PLEKHA5: variants seen among roughly 807,000 people sequenced by gnomAD.
The protein encoded by PLEKHA5 is pleckstrin homology domain containing A5, also known as pleckstrin homology domain-containing family A member 5.
In PLEKHA5, 55 loss-of-function variants were observed where a neutral mutation model predicts 181.9. The ratio of observed to expected loss-of-function variants is 0.30; its 90% CI spans 0.24 to 0.38. The LOEUF (loss-of-function observed/expected upper bound fraction) is 0.38, where lower values mean the gene tolerates loss of function less well. PLEKHA5 is among the 10% of genes least tolerant of loss of function. The probability of loss-of-function intolerance (pLI) is 1.00; values close to 1 mark genes in which losing one functional copy is unlikely to be tolerated. For missense variants in PLEKHA5, 1,432 were observed against 1,549.5 expected (o/e 0.92, Z 1.27); for synonymous variants, 535 against 529.4 (o/e 1.01, Z -0.15).
chr12:19,253,898 T>C, intron 3 of PLEKHA5, 42 bp from the exon 4 acceptor site: 1 of 1,089,128 alleles, frequency 9.2e-7, no homozygotes, highest in Non-Finnish European at 1.4e-6. Flanking sequence ...ATGGGAATTT[T>C]AAATACCTGC....
chr12:19,269,463 A>G (rs1241377990), intron 8 of PLEKHA5, among the ~76,000 whole-genome samples: 2 of 150,632 alleles, frequency 1.3e-5, no homozygotes, highest in East Asian at 2.0e-4. Context: ...TGGAAGAGGC[A>G]CCACTAAGTA....
At chr12:19,335,156 C>T (rs957181167) in intron 20 of PLEKHA5, among the ~76,000 whole-genome samples, 20 of 149,326 alleles carry the variant, frequency 1.3e-4, no homozygotes, top group Admixed American at 1.2e-3. Flanking sequence ...AGCCCTGCCC[C>T]GAGTAGCTGG....
In PLEKHA5 at chr12:19,130,300, C is replaced by T. The variant is rs2033157853; in HGVS notation, c.169+170C>T. On this transcript the variant is annotated intron_variant, in intron 2 of 31. Transcript: ENST00000429027. The surrounding 1 kb of genome is among the most constrained non-coding windows in gnomAD (Gnocchi z 4.5). ...AGAGGGGCCACGGGGACTCCGCCGCCGGGAGTTCTCTCCAGTCTCGGGGCG... is the reference window on the plus strand; with the variant it reads ...AGAGGGGCCACGGGGACTCCGCCGCTGGGAGTTCTCTCCAGTCTCGGGGCG... 6.6e-6 allele frequency among the ~76,000 whole-genome samples: 1 copy of T among 151,910 alleles called. No individual in the cohort carries two copies.
At chr12:19,272,374 C>T (rs901891718) in intron 10 of PLEKHA5, among the ~76,000 whole-genome samples, 3 of 152,080 alleles carry the variant, frequency 2.0e-5, no homozygotes, top group Non-Finnish European at 2.9e-5. Flanking sequence ...TCATATGTGT[C>T]TTTTTGACTA....
At chr12:19,167,059 G>A (rs930251059) in intron 3 of PLEKHA5, among the ~76,000 whole-genome samples, 2 of 152,030 alleles carry the variant, frequency 1.3e-5, no homozygotes, top group Admixed American at 6.6e-5. Context: ...ACACACCCAT[G>A]CCCCACCTTC....
At chr12:19,328,283 G>C (rs1425491539) in intron 20 of PLEKHA5, among the ~76,000 whole-genome samples, 2 of 152,026 alleles carry the variant, frequency 1.3e-5, no homozygotes, top group African/African-American at 4.8e-5. Context: ...CTTTGTTTTT[G>C]TTTAGGATTG....
chr12:19,131,979 T>C (rs1387892065), intron 2 of PLEKHA5, among the ~76,000 whole-genome samples: 7 of 152,196 alleles, frequency 4.6e-5, no homozygotes. Context: ...GATTCATTTG[T>C]GTAGCTGAAA....
chr12:19,300,972 TAAAA>T lies in PLEKHA5; in HGVS notation c.2037+9293_2037+9296del, dbSNP rs57234099. 5.1e-3 allele frequency among the ~76,000 whole-genome samples: 650 copies of T among 127,592 alleles called. 2 individuals carry two copies. Among genetic ancestry groups the T allele is most frequent in the Non-Finnish European group, 6.0e-3 (367 of 61,170 alleles). The allele number at this position is 127,592 out of a possible 152,430, so 83.7% of individuals were successfully genotyped here. ...CAACATGGAGAAACCCCATCTCTAC[TAAAA>T]AAAAAAAAAAAAAAAAATACAAAAT... On this transcript the variant is annotated intron_variant, in intron 15 of 31. Coordinates refer to ENST00000429027, the MANE Select transcript of PLEKHA5 (RefSeq NM_001256470.2).
intron 3 of PLEKHA5, among the ~76,000 whole-genome samples, chr12:19,197,013 G>A (rs1187833040): frequency 6.6e-6 from 1 of 152,042 alleles, no homozygotes; most frequent in Non-Finnish European, 1.5e-5. Flanking sequence ...ACCTTTAGAA[G>A]TGAATATACC....
chr12:19,153,481 T>G (rs1182938670), intron 3 of PLEKHA5: 3 of 152,156 alleles, frequency 2.0e-5, no homozygotes, highest in Non-Finnish European at 4.4e-5. Context: ...TGGCAAAATT[T>G]AGTAGAAAAT....
chr12:19,131,830 C>T (rs2033961220), intron 2 of PLEKHA5, among the ~76,000 whole-genome samples: 1 of 152,160 alleles, frequency 6.6e-6, no homozygotes, highest in Non-Finnish European at 1.5e-5. Flanking sequence ...CCTGAATCAT[C>T]CCCAACTTTA....
At chr12:19,291,769 C>G (rs1355394806) in intron 15 of PLEKHA5, 72 bp downstream of exon 15, 1 of 774,892 alleles carries the variant, frequency 1.3e-6, no homozygotes, top group East Asian at 2.8e-5. Flanking sequence ...GTTTTTCAGG[C>G]TTCTCAGCTA....
chr12:19,308,611 A>G (rs2085041148), intron 15 of PLEKHA5, among the ~76,000 whole-genome samples: 3 of 152,188 alleles, frequency 2.0e-5, no homozygotes, highest in Admixed American at 1.3e-4. Context: ...TAATAGAGCC[A>G]TGTAGGAAAT....
rs551168048 is a variant in PLEKHA5, at chr12:19,147,875, C to G, written c.227+15425C>G. 1.3e-3 allele frequency among the ~76,000 whole-genome samples: 202 copies of G among 151,460 alleles called. 4 individuals are homozygous for G. In the South Asian group the frequency reaches 0.021, roughly 16 times the overall value. On this transcript the variant is annotated intron_variant, in intron 3 of 31. Transcript: ENST00000429027. ...CCTCAGCCTCCCGAGTAGCTGGGAC[C>G]AAGGCGTGTGCCACCACACCTAGCT...
intron 3 of PLEKHA5, chr12:19,201,545 A>G (rs2054210119): frequency 6.6e-6 from 1 of 152,140 alleles, no homozygotes; most frequent in African/African-American, 2.4e-5. Context: ...AGCATTATTC[A>G]TAACAGCCTA....
At position 19,365,969 on chromosome 12, in the gene PLEKHA5, A is replaced by C; in HGVS notation, c.3614A>C (p.Gln1205Pro). The stretch of plus-strand genomic sequence containing the variant: ...TACCAATCTATTTTCATCAGCCCTC[A>C]AGATGAAACACAGACCGCAAATCAT... ...KMPEDVTFSP[Q>P]DETQTANHKP... Residue 1205 changes from glutamine to proline, a missense_variant, in exon 30 of 32, where the codon CAA (glutamine) becomes CCA (proline). By Grantham distance (76) the Gln-to-Pro change is moderately conservative. Transcript: ENST00000429027. 6.2e-7 allele frequency: 1 copy of C among 1,600,172 alleles called. No homozygotes were observed. The highest frequency in any genetic ancestry group is 1.3e-5 in the African/African-American group (1 of 74,194).
intron 18 of PLEKHA5, 160 bp downstream of exon 18, chr12:19,320,784 C>T: frequency 2.3e-6 from 1 of 430,826 alleles, no homozygotes; most frequent in Non-Finnish European, 4.2e-6. Flanking sequence ...TTATTCCCTG[C>T]CCTCTACGTC....
chr12:19,129,940 C>T, intron 1 of PLEKHA5, 52 bp downstream of exon 1: 1 of 1,526,566 alleles, frequency 6.6e-7, no homozygotes, highest in South Asian at 1.2e-5. Context: ...GGGCAGGAGG[C>T]GGGCGGCTGG....
intron 3 of PLEKHA5, among the ~76,000 whole-genome samples, chr12:19,141,167 C>A (rs753972478): frequency 6.6e-6 from 1 of 151,640 alleles, no homozygotes; most frequent in African/African-American, 2.4e-5. Context: ...TGCTTTCCAC[C>A]CCTCCCCCCC....
Sources: allele counts gnomAD v4.1 joint callset (sites outside exome capture counted in the v4.1 genomes callset), GRCh38; gene constraint gnomAD v4.1.1; non-coding constraint Gnocchi (gnomAD v3.1); transcripts MANE v1.5; gene names NCBI Gene and HGNC (gene_info 2026-07-23, HGNC 2026-07-21).